Variants in ABR observed in about 807,000 individuals in gnomAD.
ABR encodes active breakpoint cluster region-related protein.
Under a neutral mutation model 107.2 loss-of-function variants are expected in ABR, and 35 were observed. That is an observed-to-expected ratio of 0.33 (90% CI 0.25 to 0.43). ABR has a LOEUF of 0.43. ABR is among the 20% of genes least tolerant of loss of function. The pLI, the probability that ABR is intolerant of heterozygous loss-of-function variation, is 1.00. For synonymous variants in ABR, 498 were observed against 462.0 expected (o/e 1.08, Z -1.00); for missense variants, 815 against 1,115.2 (o/e 0.73, Z 3.83).
intron 1 of ABR, among the ~76,000 whole-genome samples, chr17:1,174,383 GC>G (rs1023094121): frequency 6.6e-6 from 1 of 152,182 alleles, no homozygotes; most frequent in Non-Finnish European, 1.5e-5. Flanking sequence ...GTCTGATGCG[GC>G]CCCGAGAACT....
intron 16 of ABR, chr17:1,031,596 A>G: frequency 5.0e-6 from 4 of 800,208 alleles, no homozygotes; most frequent in Non-Finnish European, 6.0e-6. Context: ...CCCCGCGGGC[A>G]CCTTGTTTCG....
exon 1 of ABR, among the ~76,000 whole-genome samples, chr17:1,229,545 C>A (rs2043296946): frequency 6.6e-6 from 1 of 152,016 alleles, no homozygotes; most frequent in African/African-American, 2.4e-5. Context: ...CTCCGCGTCC[C>A]GCACCGACTC....
intron 1 of ABR, among the ~76,000 whole-genome samples, chr17:1,144,930 A>T (rs2040468749): frequency 6.6e-6 from 1 of 152,134 alleles, no homozygotes; most frequent in African/African-American, 2.4e-5. Context: ...GTGGCAGGAG[A>T]ATCACTTGAA....
At position 1,079,301 on chromosome 17, in the gene ABR, C is replaced by A. The variant is rs777278668; in HGVS notation, c.700+29G>T. On this transcript the variant is annotated intron_variant, in intron 6 of 22. Coordinates refer to ENST00000302538, the MANE Select transcript of ABR (RefSeq NM_021962.5). ...CTGCACAGCCAGACAAAGGTAGGTG[C>A]CTGTAATCCAGCCCGCTCCCCGAGG... The A allele has an allele frequency of 5.0e-6, 8 of 1,608,736 alleles. No individual in the cohort carries two copies. In the Admixed American group the frequency reaches 6.7e-5, roughly 14 times the overall value.
rs2035937357 is a variant in ABR, at chr17:1,078,637, C to G, written c.700+693G>C. Among the ~76,000 whole-genome samples the G allele has an allele frequency of 6.6e-6, 1 of 152,190 alleles. No individual in the cohort carries two copies. Among genetic ancestry groups the G allele is most frequent in the African/African-American group, 2.4e-5 (1 of 41,436 alleles). On this transcript the variant is annotated intron_variant, in intron 6 of 22. Transcript: ENST00000302538. The surrounding 1 kb of genome is among the most constrained non-coding windows in gnomAD (Gnocchi z 7.5). ...GCAAGCGGCCCTGCTCTGAGCAGCC[C>G]CCAGGTTTCAACTCTAGGCTGGATG...
intron 16 of ABR, among the ~76,000 whole-genome samples, chr17:1,046,548 C>T (rs959053722): frequency 1.3e-5 from 2 of 152,196 alleles, no homozygotes; most frequent in Admixed American, 1.3e-4. Flanking sequence ...CGCACGTGCT[C>T]CTCTCCTTCC....
At position 1,078,228 on chromosome 17, in the gene ABR, G is replaced by A. The variant is rs1048178142; in HGVS notation, c.700+1102C>T. On this transcript the variant is annotated intron_variant, in intron 6 of 22. Coordinates refer to ENST00000302538, the MANE Select transcript of ABR (RefSeq NM_021962.5). The surrounding 1 kb of genome is among the most constrained non-coding windows in gnomAD (Gnocchi z 7.5). The stretch of plus-strand genomic sequence containing the variant: ...CAGACCTCGGCTGGGGGTCTCTCAC[G>A]GCTGGAAACAAACCTCTCCTTCCTG... Among the ~76,000 whole-genome samples the A allele has an allele frequency of 5.9e-5, 9 of 152,106 alleles. No homozygotes were observed. The highest frequency in any genetic ancestry group is 2.1e-4 in the South Asian group (1 of 4,814).
rs1406270717 is a variant in ABR at position 1,071,572 on chromosome 17, G to A, written c.894+1042C>T. On this transcript the variant is annotated intron_variant, in intron 8 of 22. Transcript: ENST00000302538. The surrounding 1 kb of genome is among the most constrained non-coding windows in gnomAD (Gnocchi z 5.1). Reference sequence around the variant, plus strand: ...CAGGGAACGGCTGTCCCACATGCAGGTGCCCACTGGACATTCCGGCAACCT... The same window carrying A: ...CAGGGAACGGCTGTCCCACATGCAGATGCCCACTGGACATTCCGGCAACCT... Among the ~76,000 whole-genome samples the A allele has an allele frequency of 6.6e-6, 1 of 152,214 alleles. No homozygotes were observed. The highest frequency in any genetic ancestry group is 1.5e-5 in the Non-Finnish European group (1 of 68,036).
chr17:1,189,415 T>C (rs1485354956), upstream of ABR, among the ~76,000 whole-genome samples: 3 of 147,860 alleles, frequency 2.0e-5, no homozygotes, highest in Admixed American at 6.9e-5. Flanking sequence ...AATGGTGCAA[T>C]CTCGGCTCAC....
intron 4 of ABR, chr17:1,083,836 AGGTTAATGAG>A (rs2151260021): frequency 3.7e-6 from 2 of 540,060 alleles, no homozygotes; most frequent in South Asian, 3.9e-5. Context: ...TCAGCCAATA[AGGTTAATGAG>A]GGGGTCTGGG....
intron 7 of ABR, among the ~76,000 whole-genome samples, chr17:1,073,179 CAAAA>C (rs35495689): frequency 5.6e-5 from 3 of 53,204 alleles, no homozygotes; most frequent in Non-Finnish European, 1.1e-4. Context: ...GACTCCGCCT[CAAAA>C]AAAAAAAAAA....
At position 1,061,596 on chromosome 17, in the gene ABR, G is replaced by C. The variant is rs143983162; in HGVS notation, c.1183-2729C>G. On this transcript the variant is annotated intron_variant, in intron 10 of 22. Coordinates refer to ENST00000302538, the MANE Select transcript of ABR (RefSeq NM_021962.5). ...CCCACTCACTCTGTTGCCCAGGCTG[G>C]AGTGCAGTGGCGTGATCTCGGCTCA... Among the ~76,000 whole-genome samples, 1,286 of 151,992 alleles carry C rather than the reference G, an allele frequency of 8.5e-3. 19 individuals carry two copies. Among genetic ancestry groups the C allele is most frequent in the African/African-American group, 0.029 (1,217 of 41,426 alleles).
intron 16 of ABR, among the ~76,000 whole-genome samples, chr17:1,024,300 G>A (rs970723456): frequency 1.1e-4 from 17 of 152,206 alleles, no homozygotes; most frequent in African/African-American, 3.6e-4. Context: ...GATGCCTGAC[G>A]GGCAGGAGCC....
chr17:1,167,164 G>T (rs1010477453), intron 1 of ABR, among the ~76,000 whole-genome samples: 2 of 151,616 alleles, frequency 1.3e-5, no homozygotes, highest in Non-Finnish European at 2.9e-5. Context: ...CTGGCTGGGC[G>T]GAGAGAGAGG....
chr17:1,151,602 G>C (rs2245403), intron 1 of ABR, among the ~76,000 whole-genome samples: 97,159 of 151,776 alleles, frequency 0.64, 32,056 homozygotes, highest in African/African-American at 0.81. Flanking sequence ...AGGGGATGGA[G>C]AAGTGTGTTT....
At chr17:1,201,966 C>T (rs540073252) in intron 1 of ABR, among the ~76,000 whole-genome samples, 4 of 152,108 alleles carry the variant, frequency 2.6e-5, no homozygotes, top group Admixed American at 6.6e-5. Context: ...CGTGAGCCAC[C>T]GCGCCCATCC....
chr17:1,022,578 C>T (rs922433107), intron 16 of ABR: 13 of 154,500 alleles, frequency 8.4e-5, no homozygotes, highest in African/African-American at 3.1e-4. Flanking sequence ...GCTGCCAGGA[C>T]CTACCCCTGG....
chr17:1,054,124 C>T (rs1009296496), intron 14 of ABR, among the ~76,000 whole-genome samples: 10 of 152,240 alleles, frequency 6.6e-5, no homozygotes, highest in African/African-American at 2.4e-4. Context: ...CGAGCCTCGG[C>T]GTCCTCGTGT....
At position 1,057,106 on chromosome 17, in the gene ABR, G is replaced by C. The variant is rs769782002; in HGVS notation, c.1382-4C>G. The C allele has an allele frequency of 2.4e-5, 38 of 1,601,970 alleles. No individual in the cohort carries two copies. Among genetic ancestry groups the C allele is most frequent in the Non-Finnish European group, 3.1e-5 (36 of 1,169,960 alleles). On this transcript the variant is annotated splice_polypyrimidine_tract_variant and splice_region_variant and intron_variant, in intron 12 of 22. Coordinates refer to ENST00000302538, the MANE Select transcript of ABR (RefSeq NM_021962.5). The stretch of plus-strand genomic sequence containing the variant: ...CTCAGGACAAAGGCCTGGAGATCTG[G>C]AGGGAGAGCCGAGAGAGAAGGGAGC...
Sources: allele counts gnomAD v4.1 joint callset (sites outside exome capture counted in the v4.1 genomes callset), GRCh38; gene constraint gnomAD v4.1.1; non-coding constraint Gnocchi (gnomAD v3.1); transcripts MANE v1.5; gene names NCBI Gene and HGNC (gene_info 2026-07-23, HGNC 2026-07-21).